ARK2N: variants seen among roughly 807,000 people sequenced by gnomAD.
The protein encoded by ARK2N is protein ARK2N.
chr18:46,185,708 C>T, the ARK2N span, among the ~76,000 whole-genome samples: 5 of 152,276 alleles, frequency 3.3e-5, no homozygotes, highest in Admixed American at 2.6e-4. Flanking sequence ...CAGGTAAGGC[C>T]GGGCGTGGTG....
At chr18:46,254,130 C>CA in the ARK2N span, among the ~76,000 whole-genome samples, 1 of 152,136 alleles carries the variant, frequency 6.6e-6, no homozygotes, top group Non-Finnish European at 1.5e-5. Context: ...GCAGAAGTAT[C>CA]ACTGTACTTT....
the ARK2N span, among the ~76,000 whole-genome samples, chr18:46,239,083 A>G: frequency 6.6e-5 from 10 of 152,308 alleles, no homozygotes; most frequent in East Asian, 1.9e-3. Context: ...TTTTGCTGTT[A>G]ACGTTTTTCT....
the ARK2N span, among the ~76,000 whole-genome samples, chr18:46,214,085 G>C: frequency 3.0e-4 from 45 of 152,288 alleles, no homozygotes; most frequent in Admixed American, 7.8e-4. Context: ...CAGAATGCCT[G>C]TTTTATCAAC....
At chr18:46,263,642 A>T in the ARK2N span, 1 of 152,900 alleles carries the variant, frequency 6.5e-6, no homozygotes, top group East Asian at 1.9e-4. Context: ...AGACAGAAGT[A>T]TTAAAATTAT....
At chr18:46,204,929 C>CTTTTT in the ARK2N span, among the ~76,000 whole-genome samples, 3 of 145,612 alleles carry the variant, frequency 2.1e-5, no homozygotes, top group Non-Finnish European at 3.0e-5. Context: ...TTTCTTTTTT[C>CTTTTT]TTTTTTTTTT....
At chr18:46,204,394 G>A in the ARK2N span, among the ~76,000 whole-genome samples, 1 of 152,146 alleles carries the variant, frequency 6.6e-6, no homozygotes, top group Non-Finnish European at 1.5e-5. Flanking sequence ...CTGTGACAGG[G>A]AAAGTACTAT....
chr18:46,252,009 G>C, the ARK2N span, among the ~76,000 whole-genome samples: 1 of 151,852 alleles, frequency 6.6e-6, no homozygotes, highest in African/African-American at 2.4e-5. Context: ...CCTGGCCAAC[G>C]TGACGAAACC....
the ARK2N span, among the ~76,000 whole-genome samples, chr18:46,204,386 G>A: frequency 6.6e-6 from 1 of 152,102 alleles, no homozygotes; most frequent in Non-Finnish European, 1.5e-5. Context: ...CTGAATTTCT[G>A]TGACAGGGAA....
chr18:46,240,159 G>T, the ARK2N span: 1 of 1,614,172 alleles, frequency 6.2e-7, no homozygotes, highest in Non-Finnish European at 8.5e-7. Context: ...GGACCAGCGG[G>T]CTTCTAGAGG....
chr18:46,216,750 A>T, the ARK2N span: 1 of 664,262 alleles, frequency 1.5e-6, no homozygotes, highest in Non-Finnish European at 2.5e-6. The surrounding 1 kb of genome is among the most constrained non-coding windows in gnomAD (Gnocchi z 4.3). Context: ...TGGCCAATTT[A>T]TAAAACCTGT....
At chr18:46,218,999 G>T in the ARK2N span, 1 of 152,192 alleles carries the variant, frequency 6.6e-6, no homozygotes, top group African/African-American at 2.4e-5. Context: ...ATAAGCTTTT[G>T]TTTGGGCTCA....
the ARK2N span, chr18:46,253,583 G>A: frequency 7.6e-7 from 1 of 1,319,994 alleles, no homozygotes; most frequent in East Asian, 2.3e-5. Context: ...CTCTCACAGG[G>A]TGATTCTGTT....
the ARK2N span, among the ~76,000 whole-genome samples, chr18:46,199,852 T>C: frequency 6.6e-6 from 1 of 152,214 alleles, no homozygotes; most frequent in Non-Finnish European, 1.5e-5. Context: ...TTTGGTTCTA[T>C]AGGACATCTA....
At chr18:46,217,029 C>G in the ARK2N span, 1 of 155,200 alleles carries the variant, frequency 6.4e-6, no homozygotes, top group Admixed American at 6.3e-5. Context: ...ATAACACATT[C>G]TATCTTTTGT....
the ARK2N span, among the ~76,000 whole-genome samples, chr18:46,221,555 T>TTA: frequency 2.3e-5 from 3 of 133,176 alleles, no homozygotes; most frequent in Middle Eastern, 3.8e-3. Flanking sequence ...AAGACTCCAT[T>TTA]AAAAAAAAAA....
chr18:46,209,446 C>G, the ARK2N span, among the ~76,000 whole-genome samples: 2 of 152,110 alleles, frequency 1.3e-5, no homozygotes, highest in Non-Finnish European at 2.9e-5. Context: ...TTTATAGTTC[C>G]TGTCTCCTGT....
the ARK2N span, among the ~76,000 whole-genome samples, chr18:46,222,023 G>C: frequency 6.6e-6 from 1 of 152,192 alleles, no homozygotes; most frequent in Non-Finnish European, 1.5e-5. Flanking sequence ...AATCAGATGG[G>C]TAAAATACAT....
the ARK2N span, chr18:46,263,040 C>G: frequency 4.3e-6 from 7 of 1,614,032 alleles, no homozygotes; most frequent in Admixed American, 6.7e-5. Flanking sequence ...CTGTGACTCC[C>G]CAGCAGACTT....
the ARK2N span, among the ~76,000 whole-genome samples, chr18:46,259,186 C>T: frequency 6.6e-6 from 1 of 152,032 alleles, no homozygotes; most frequent in African/African-American, 2.4e-5. Context: ...ACTGCTTATA[C>T]CCAAGTAACA....
Sources: allele counts gnomAD v4.1 joint callset (sites outside exome capture counted in the v4.1 genomes callset), GRCh38; gene constraint gnomAD v4.1.1; non-coding constraint Gnocchi (gnomAD v3.1); transcripts MANE v1.5; gene names NCBI Gene and HGNC (gene_info 2026-07-23, HGNC 2026-07-21).